Variants in MAP6 observed in about 807,000 individuals in gnomAD.
MAP6 encodes the protein microtubule-associated protein 6.
MAP6 carries 26 observed loss-of-function variants against 42.4 expected under a neutral mutation model. That is an observed-to-expected ratio of 0.61 (90% CI 0.45 to 0.85). MAP6 has a LOEUF of 0.85. Among genes scored for constraint, MAP6 ranks in the 40% least tolerant of loss-of-function variants. MAP6 has a pLI of 0.00. For missense variants in MAP6, 966 were observed against 1,099.0 expected, an observed-to-expected ratio of 0.88 and a Z score of 1.71; for synonymous variants, 418 against 443.8, an observed-to-expected ratio of 0.94 and a Z score of 0.73.
intron 1 of MAP6, among the ~76,000 whole-genome samples, chr11:75,618,107 CTTTTTTTTTT>C (rs111520372): frequency 9.2e-6 from 1 of 108,924 alleles, no homozygotes; most frequent in Admixed American, 9.3e-5. Flanking sequence ...TAAGTTTCTG[CTTTTTTTTTT>C]TTTTTTTTTG....
intron 3 of MAP6, chr11:75,604,187 T>G: frequency 1.0e-6 from 1 of 985,916 alleles, no homozygotes; most frequent in Non-Finnish European, 1.2e-6. Context: ...TTTCTGATAT[T>G]CCTGTTCTGT....
intron 3 of MAP6, chr11:75,604,310 C>T (rs775291725): frequency 9.1e-6 from 9 of 985,674 alleles, no homozygotes; most frequent in African/African-American, 1.7e-5. Flanking sequence ...CCTGAATGGT[C>T]GGAGTAAGAG....
chr11:75,626,834 G>A (rs980909175), intron 1 of MAP6, among the ~76,000 whole-genome samples: 3 of 152,176 alleles, frequency 2.0e-5, no homozygotes, highest in Non-Finnish European at 2.9e-5. Flanking sequence ...AAAAGACAAG[G>A]AGCCCACAAT....
chr11:75,652,273 G>A (rs61895141), intron 1 of MAP6, among the ~76,000 whole-genome samples: 7,781 of 152,100 alleles, frequency 0.051, 249 homozygotes, highest in East Asian at 0.14. Flanking sequence ...TCTAGACTAA[G>A]GCTATAAAGC....
At chr11:75,656,508 C>A (rs1943751928) in intron 1 of MAP6, among the ~76,000 whole-genome samples, 1 of 152,150 alleles carries the variant, frequency 6.6e-6, no homozygotes, top group Non-Finnish European at 1.5e-5. Flanking sequence ...GAGGTTGAGA[C>A]CACAGTGAGG....
rs1943972198 is a variant in MAP6, at chr11:75,667,546, G to A, written c.824C>T (p.Ala275Val). ...GTCCGCCGCGGCGCGCCCCCTGCCA[G>A]CCTCGGGGCCGGTGGCCTGGACCTG... Reference protein sequence around the residue: ...QAQVQATGPEAGRGRAAADAL... With the variant: ...QAQVQATGPEVGRGRAAADAL... Residue 275 changes from alanine (A) to valine (V), a missense_variant, in exon 1 of 4, where the codon GCT (alanine) becomes GTT (valine). This residue lies in a region of MAP6 where 943 missense variants were observed against 1,049.9 expected (regional missense o/e 0.90). Transcript: ENST00000304771. The surrounding 1 kb of genome is among the most constrained non-coding windows in gnomAD (Gnocchi z 5.6). The A allele has an allele frequency of 2.0e-6, 3 of 1,488,030 alleles. No individual in the cohort carries two copies. The highest frequency in any genetic ancestry group is 2.9e-5 in the African/African-American group (2 of 68,672). 92.2% of individuals were successfully genotyped at this position (1,488,030 alleles called of 1,614,324 possible). A position where few individuals can be genotyped will look rare whatever the true frequency, so the allele number is the denominator to read the frequency against.
At chr11:75,621,541 GA>G in intron 1 of MAP6, among the ~76,000 whole-genome samples, 1 of 151,950 alleles carries the variant, frequency 6.6e-6, no homozygotes. Flanking sequence ...AATAAAACAA[GA>G]AAAGAAGTTA....
chr11:75,630,468 G>T (rs925697200), intron 1 of MAP6, among the ~76,000 whole-genome samples: 1 of 152,058 alleles, frequency 6.6e-6, no homozygotes, highest in Non-Finnish European at 1.5e-5. Flanking sequence ...CTATAATGTT[G>T]TATCTTACCT....
chr11:75,648,130 T>C (rs11236476), intron 1 of MAP6, among the ~76,000 whole-genome samples: 9,871 of 152,298 alleles, frequency 0.065, 593 homozygotes, highest in East Asian at 0.3. Context: ...AATTGTACTC[T>C]ATCTCACACT....
intron 3 of MAP6, among the ~76,000 whole-genome samples, chr11:75,590,150 G>T (rs971726704): frequency 6.6e-6 from 1 of 152,118 alleles, no homozygotes; most frequent in Non-Finnish European, 1.5e-5. Flanking sequence ...TCCAAAAATG[G>T]CATTAAAATA....
rs566552984 is a variant in MAP6 at position 75,608,334 on chromosome 11, A to G, written c.906-12T>C. On this transcript the variant is annotated splice_polypyrimidine_tract_variant and intron_variant, in intron 1 of 3. Transcript: ENST00000304771. ...CCCTGAATTCATTCCTGTTAGTCAAAGAAAGCATATGTGATATGAAGCATC... is the reference window on the plus strand; with the variant it reads ...CCCTGAATTCATTCCTGTTAGTCAAGGAAAGCATATGTGATATGAAGCATC... 15 of 1,610,778 alleles carry G rather than the reference A, an allele frequency of 9.3e-6. No homozygotes were observed. Among genetic ancestry groups the G allele is most frequent in the Non-Finnish European group, 1.1e-5 (13 of 1,176,974 alleles).
intron 3 of MAP6, chr11:75,603,018 G>A (rs1942692284): frequency 1.0e-6 from 1 of 985,666 alleles, no homozygotes; most frequent in South Asian, 4.7e-5. Flanking sequence ...CAAGAGAGGT[G>A]TGCGCTACAT....
At chr11:75,619,425 G>A (rs1485328763) in intron 1 of MAP6, among the ~76,000 whole-genome samples, 1 of 151,578 alleles carries the variant, frequency 6.6e-6, no homozygotes, top group African/African-American at 2.4e-5. Flanking sequence ...TTGTCACAGG[G>A]GTTTGTTGTA....
Position 75,605,898 on chromosome 11 carries a change from T to A in MAP6, c.1226A>T (p.Lys409Met). Reference sequence around the variant, plus strand: ...ACTCGGGCCCTCCGCGCTCTTTTTCTTGGCAGCCTGGCCTGACACCGCCTG... The same window carrying A: ...ACTCGGGCCCTCCGCGCTCTTTTTCATGGCAGCCTGGCCTGACACCGCCTG... ...DKQAVSGQAAKKKSAEGPSTT... is the reference protein window; with the variant it reads ...DKQAVSGQAAMKKSAEGPSTT... Residue 409 changes from lysine (K) to methionine (M), a missense_variant, in exon 3 of 4, where the codon AAG (lysine) becomes ATG (methionine). By Grantham distance (95) the Lys-to-Met change is moderately conservative (BLOSUM62 -1). Transcript: ENST00000304771. The A allele has an allele frequency of 6.2e-7, 1 of 1,614,208 alleles. No homozygotes were observed. Among genetic ancestry groups the A allele is most frequent in the African/African-American group, 1.3e-5 (1 of 75,046 alleles).
At chr11:75,651,450 C>A (rs1943644633) in intron 1 of MAP6, among the ~76,000 whole-genome samples, 1 of 152,176 alleles carries the variant, frequency 6.6e-6, no homozygotes, top group Non-Finnish European at 1.5e-5. Flanking sequence ...CTCTTCTGTG[C>A]TATTTTTGGG....
chr11:75,648,498 A>AAAAC (rs145625627), intron 1 of MAP6, among the ~76,000 whole-genome samples: 3,240 of 152,024 alleles, frequency 0.021, 92 homozygotes, highest in African/African-American at 0.063. Flanking sequence ...ACCCTGTCTA[A>AAAAC]AAACAAACAA....
intron 1 of MAP6, among the ~76,000 whole-genome samples, chr11:75,621,130 CAAA>C (rs998794913): frequency 8.0e-6 from 1 of 124,588 alleles, no homozygotes; most frequent in Non-Finnish European, 1.7e-5. Flanking sequence ...GACTCCATCT[CAAA>C]AAAAAAAAAA....
chr11:75,594,619 A>G (rs1942545642), intron 3 of MAP6: 1 of 152,236 alleles, frequency 6.6e-6, no homozygotes, highest in African/African-American at 2.4e-5. Flanking sequence ...CATCATGAGT[A>G]TCTAGCACAG....
At chr11:75,630,486 T>A (rs1487625352) in intron 1 of MAP6, among the ~76,000 whole-genome samples, 1 of 152,250 alleles carries the variant, frequency 6.6e-6, no homozygotes, top group Non-Finnish European at 1.5e-5. Context: ...CCTGATATAA[T>A]TTAATGATGA....
Sources: gnomAD v4.1 joint callset for allele counts (sites outside exome capture counted in the v4.1 genomes callset) on GRCh38, gnomAD v4.1.1 for gene constraint, gnomAD v4.1.1 regional missense constraint, Gnocchi (gnomAD v3.1) non-coding constraint, MANE v1.5 for transcripts, NCBI Gene and HGNC (gene_info 2026-07-23, HGNC 2026-07-21) for gene names.